ELMO1: variants seen among roughly 807,000 people sequenced by gnomAD.
ELMO1 encodes the protein engulfment and cell motility protein 1.
ELMO1 carries 26 observed loss-of-function variants against 98.9 expected under a neutral mutation model. The ratio of observed to expected loss-of-function variants is 0.26; its 90% CI spans 0.19 to 0.36. The LOEUF is 0.36. Ranked by LOEUF, ELMO1 falls within the 10% of genes least tolerant of loss-of-function variation. The pLI is 1.00. For synonymous variants in ELMO1, 346 were observed against 346.0 expected, an observed-to-expected ratio of 1.00 and a Z score of 0.00; for missense variants, 627 against 935.2, an observed-to-expected ratio of 0.67 and a Z score of 4.30.
intron 4 of ELMO1, among the ~76,000 whole-genome samples, chr7:37,277,973 T>C (rs1289195812): frequency 6.6e-6 from 1 of 152,206 alleles, no homozygotes; most frequent in Admixed American, 6.5e-5. Context: ...CTAAGGTTCT[T>C]TGAATCCCTT....
At chr7:36,945,446 C>T (rs776122575) in intron 16 of ELMO1, among the ~76,000 whole-genome samples, 1 of 152,092 alleles carries the variant, frequency 6.6e-6, no homozygotes, top group Non-Finnish European at 1.5e-5. Flanking sequence ...AAACCGGAGC[C>T]CAGCCTCAGT....
At chr7:37,279,059 A>C (rs924953125) in intron 4 of ELMO1, among the ~76,000 whole-genome samples, 2 of 152,104 alleles carry the variant, frequency 1.3e-5, no homozygotes, top group Non-Finnish European at 1.5e-5. Context: ...AAAATTAGCC[A>C]GGCGTGGTGG....
At chr7:36,957,301 C>A (rs770807154) in intron 16 of ELMO1, among the ~76,000 whole-genome samples, 7 of 132,536 alleles carry the variant, frequency 5.3e-5, no homozygotes, top group African/African-American at 8.7e-5. Flanking sequence ...AGCTCTGCAG[C>A]CCCTACTGGA....
At chr7:37,277,722 A>G (rs1259866907) in intron 4 of ELMO1, among the ~76,000 whole-genome samples, 1 of 152,194 alleles carries the variant, frequency 6.6e-6, no homozygotes, top group East Asian at 1.9e-4. Context: ...ATGAGAAAGG[A>G]ATCCAGAGCC....
intron 1 of ELMO1, among the ~76,000 whole-genome samples, chr7:37,372,077 T>G (rs563858557): frequency 3.9e-5 from 6 of 152,260 alleles, no homozygotes; most frequent in Admixed American, 3.9e-4. Flanking sequence ...TTAGTCATTC[T>G]CTTGACCTTT....
intron 13 of ELMO1, among the ~76,000 whole-genome samples, chr7:37,144,379 AT>A (rs1173458350): frequency 2.0e-5 from 3 of 152,180 alleles, no homozygotes; most frequent in Non-Finnish European, 4.4e-5. Flanking sequence ...ACGCCAAAAC[AT>A]TTAAAAGCTT....
chr7:37,384,409 A>G (rs1219831799), intron 1 of ELMO1, among the ~76,000 whole-genome samples: 1 of 152,200 alleles, frequency 6.6e-6, no homozygotes, highest in Non-Finnish European at 1.5e-5. Flanking sequence ...TTGAAGAAAA[A>G]TTAGAAGTTT....
chr7:37,407,146 A>C (rs1353335389), intron 1 of ELMO1, among the ~76,000 whole-genome samples: 2 of 152,220 alleles, frequency 1.3e-5, no homozygotes, highest in Non-Finnish European at 2.9e-5. Context: ...TGAGTGAATA[A>C]ACAATGGTAC....
rs147784489 is a variant in ELMO1 at position 37,002,376 on chromosome 7, A to G, written c.1437+10923T>C. Reference sequence around the variant, plus strand: ...GAGGTCATGGCAAGGATTTGGAAGTATGCTACTACCACGAAGCAGTGCAGA... The same window carrying G: ...GAGGTCATGGCAAGGATTTGGAAGTGTGCTACTACCACGAAGCAGTGCAGA... On this transcript the variant is annotated intron_variant, in intron 16 of 21. Transcript: ENST00000310758. Among the ~76,000 whole-genome samples, 10 of 152,356 alleles carry G rather than the reference A, an allele frequency of 6.6e-5. No homozygotes were observed. In the East Asian group the frequency reaches 1.9e-3, roughly 29 times the overall value.
At chr7:36,908,551 A>AT (rs35626919) in intron 16 of ELMO1, among the ~76,000 whole-genome samples, 30,125 of 146,220 alleles carry the variant, frequency 0.21, 3,068 homozygotes, top group East Asian at 0.26. Context: ...AAGATTTGTT[A>AT]TTTTTTTTTT....
Position 37,420,154 on chromosome 7 carries a change from G to C in ELMO1, c.-74+28521C>G, listed in dbSNP as rs573295888. On this transcript the variant is annotated intron_variant, in intron 1 of 21. Coordinates refer to ENST00000310758, the MANE Select transcript of ELMO1 (RefSeq NM_014800.11). ...GAGTCTTGTGCTCTCAGTACCAATAGCCAAATGGCCTCCCAGCAAGGCTGC... is the reference window on the plus strand; with the variant it reads ...GAGTCTTGTGCTCTCAGTACCAATACCCAAATGGCCTCCCAGCAAGGCTGC... Among the ~76,000 whole-genome samples, 7 of 152,208 alleles carry C rather than the reference G, an allele frequency of 4.6e-5. No individual in the cohort carries two copies. The East Asian group carries it at 7.7e-4, about 17-fold the overall frequency.
intron 1 of ELMO1, among the ~76,000 whole-genome samples, chr7:37,390,323 C>T (rs968457095): frequency 6.6e-6 from 1 of 152,160 alleles, no homozygotes; most frequent in African/African-American, 2.4e-5. Flanking sequence ...ACATGAAGCC[C>T]GCACTCACTG....
chr7:37,114,016 G>A (rs1335456384), intron 14 of ELMO1, among the ~76,000 whole-genome samples: 1 of 152,212 alleles, frequency 6.6e-6, no homozygotes, highest in African/African-American at 2.4e-5. Flanking sequence ...TGATCTCTGT[G>A]GGTGGAGTTG....
At chr7:37,033,374 G>A (rs763971525) in intron 15 of ELMO1, 16 of 455,912 alleles carry the variant, frequency 3.5e-5, no homozygotes, top group African/African-American at 1.8e-4. Context: ...AGGCTGGATC[G>A]TGTTCACGGC....
At chr7:36,907,830 A>C (rs1190668292) in intron 16 of ELMO1, among the ~76,000 whole-genome samples, 2 of 152,164 alleles carry the variant, frequency 1.3e-5, no homozygotes, top group Non-Finnish European at 2.9e-5. Context: ...TTTCTGCTGA[A>C]CCTGGACTCT....
chr7:37,119,539 G>C (rs1224910258), intron 14 of ELMO1, among the ~76,000 whole-genome samples: 1 of 152,038 alleles, frequency 6.6e-6, no homozygotes, highest in Non-Finnish European at 1.5e-5. Context: ...TGCATCATGA[G>C]GAGGAAAAAC....
rs191612273 is a variant in ELMO1, at chr7:37,139,601, T to C, written c.1087-6367A>G. On this transcript the variant is annotated intron_variant, in intron 13 of 21. Coordinates refer to ENST00000310758, the MANE Select transcript of ELMO1 (RefSeq NM_014800.11). ...CAAATGGAAACACATCCCATGCTCA[T>C]GGATGGGTAGAATCAATATTGTGAA... is the stretch of plus-strand genomic sequence containing the variant. Among the ~76,000 whole-genome samples the C allele has an allele frequency of 5.1e-4, 78 of 152,298 alleles. 1 individual carries two copies. The highest frequency in any genetic ancestry group is 1.2e-3 in the Admixed American group (19 of 15,304).
At chr7:37,060,442 G>C (rs1479037979) in intron 15 of ELMO1, among the ~76,000 whole-genome samples, 5 of 152,144 alleles carry the variant, frequency 3.3e-5, no homozygotes. Context: ...TCACTTATAA[G>C]TGGGAGCTAA....
intron 4 of ELMO1, among the ~76,000 whole-genome samples, chr7:37,312,673 T>C (rs1334797032): frequency 6.6e-6 from 1 of 152,152 alleles, no homozygotes; most frequent in Non-Finnish European, 1.5e-5. Flanking sequence ...GAGAACCCCA[T>C]CTTTAGTAAT....
Sources: gnomAD v4.1 joint callset for allele counts (sites outside exome capture counted in the v4.1 genomes callset) on GRCh38, gnomAD v4.1.1 for gene constraint, MANE v1.5 for transcripts, NCBI Gene and HGNC (gene_info 2026-07-23, HGNC 2026-07-21) for gene names.